Variants in NFIA observed in about 807,000 individuals in gnomAD.
NFIA encodes the protein nuclear factor 1 A-type.
In NFIA, 8 loss-of-function variants were observed where a neutral mutation model predicts 62.8. The ratio of observed to expected loss-of-function variants is 0.13; its 90% CI spans 0.07 to 0.23. NFIA has a LOEUF of 0.23. Among genes scored for constraint, NFIA ranks in the 10% least tolerant of loss-of-function variants. The probability of loss-of-function intolerance (pLI) is 1.00; values close to 1 mark genes in which losing one functional copy is unlikely to be tolerated. For synonymous variants in NFIA, 235 were observed against 238.1 expected (o/e 0.99, Z 0.12); for missense variants, 410 against 642.1 (o/e 0.64, Z 3.91).
intron 4 of NFIA, among the ~76,000 whole-genome samples, chr1:61,342,752 A>T (rs1251064245): frequency 1.3e-5 from 2 of 152,230 alleles, no homozygotes; most frequent in Non-Finnish European, 2.9e-5. Flanking sequence ...TTCATAACTG[A>T]TGACAAAGGA....
chr1:61,220,387 A>C (rs1653942828), intron 2 of NFIA, among the ~76,000 whole-genome samples: 1 of 152,144 alleles, frequency 6.6e-6, no homozygotes, highest in Non-Finnish European at 1.5e-5. Context: ...TGGAGAAGTT[A>C]CTCGCTACTT....
At chr1:61,225,494 C>G (rs1468140576) in intron 2 of NFIA, among the ~76,000 whole-genome samples, 1 of 151,504 alleles carries the variant, frequency 6.6e-6, no homozygotes, top group Non-Finnish European at 1.5e-5. Flanking sequence ...TGTGATCCGC[C>G]TGCCTCGGCC....
At chr1:61,180,071 C>T (rs1330947461) in intron 2 of NFIA, among the ~76,000 whole-genome samples, 1 of 152,126 alleles carries the variant, frequency 6.6e-6, no homozygotes, top group Non-Finnish European at 1.5e-5. Context: ...CTCTCTGCAG[C>T]ACCTCTTGAC....
intron 2 of NFIA, among the ~76,000 whole-genome samples, chr1:61,236,591 T>G (rs1040862755): frequency 4.6e-5 from 7 of 152,086 alleles, no homozygotes; most frequent in Admixed American, 3.3e-4. Context: ...TAGTATTACT[T>G]GGATATGTTT....
chr1:61,314,796 A>G (rs1013943383), intron 3 of NFIA, among the ~76,000 whole-genome samples: 2 of 152,182 alleles, frequency 1.3e-5, no homozygotes, highest in African/African-American at 4.8e-5. Flanking sequence ...GGATACAGAA[A>G]TGATATCAGA....
chr1:61,116,424 G>T (rs2100462189), intron 2 of NFIA, among the ~76,000 whole-genome samples: 1 of 152,246 alleles, frequency 6.6e-6, no homozygotes, highest in South Asian at 2.1e-4. Flanking sequence ...CTGAAACTGT[G>T]CTTAGCAGGA....
At chr1:61,239,233 A>G (rs573555519) in intron 2 of NFIA, among the ~76,000 whole-genome samples, 6 of 152,274 alleles carry the variant, frequency 3.9e-5, no homozygotes, top group Non-Finnish European at 8.8e-5. Context: ...TATCACGAAG[A>G]ATAAAGTGGC....
intron 2 of NFIA, among the ~76,000 whole-genome samples, chr1:61,142,187 G>A (rs533999592): frequency 6.6e-6 from 1 of 152,006 alleles, no homozygotes; most frequent in Non-Finnish European, 1.5e-5. Flanking sequence ...AAAACATGAA[G>A]TGCTCAATCC....
chr1:61,402,032 T>C (rs1665582565), intron 7 of NFIA, among the ~76,000 whole-genome samples: 1 of 130,958 alleles, frequency 7.6e-6, no homozygotes, highest in African/African-American at 3.1e-5. Context: ...TACTCATTTT[T>C]CTTTTTTTTT....
At chr1:61,411,258 A>G (rs1047858775) in intron 9 of NFIA, among the ~76,000 whole-genome samples, 3 of 152,154 alleles carry the variant, frequency 2.0e-5, no homozygotes, top group Admixed American at 6.6e-5. Flanking sequence ...TGTGGGGGAA[A>G]AAAAATCCTG....
At chr1:61,351,561 C>T (rs572985578) in intron 4 of NFIA, among the ~76,000 whole-genome samples, 58 of 152,092 alleles carry the variant, frequency 3.8e-4, no homozygotes, top group African/African-American at 1.1e-3. Flanking sequence ...ACTAATTTTA[C>T]GGAGTTGTTT....
chr1:61,346,720 G>A (rs765282418), intron 4 of NFIA, among the ~76,000 whole-genome samples: 2 of 152,112 alleles, frequency 1.3e-5, no homozygotes, highest in Non-Finnish European at 2.9e-5. Flanking sequence ...CCCCTTCCAT[G>A]CATTCTGAAT....
intron 6 of NFIA, among the ~76,000 whole-genome samples, chr1:61,361,110 G>C (rs1380513623): frequency 6.6e-6 from 1 of 152,130 alleles, no homozygotes; most frequent in South Asian, 2.1e-4. Flanking sequence ...CAGAGATGGT[G>C]GTGTTAGTCT....
At chr1:61,234,158 G>A (rs896058685) in intron 2 of NFIA, among the ~76,000 whole-genome samples, 5 of 151,738 alleles carry the variant, frequency 3.3e-5, no homozygotes, top group Non-Finnish European at 5.9e-5. Context: ...ACCTGAGGTC[G>A]GGAGTTTGCG....
chr1:61,393,897 A>C (rs770086705), intron 7 of NFIA, among the ~76,000 whole-genome samples: 1 of 152,246 alleles, frequency 6.6e-6, no homozygotes, highest in Non-Finnish European at 1.5e-5. Flanking sequence ...TTCATGCCAC[A>C]GACCCCCAGG....
chr1:61,231,700 C>A (rs1654678958), intron 2 of NFIA, among the ~76,000 whole-genome samples: 1 of 152,076 alleles, frequency 6.6e-6, no homozygotes, highest in South Asian at 2.1e-4. Context: ...TATAGTGGCA[C>A]ATGCCTATAG....
chr1:61,425,529 G>C (rs1197530249), intron 9 of NFIA, among the ~76,000 whole-genome samples: 1 of 152,260 alleles, frequency 6.6e-6, no homozygotes, highest in East Asian at 1.9e-4. Flanking sequence ...AAATTTTTAA[G>C]TAACAGTCTA....
intron 2 of NFIA, among the ~76,000 whole-genome samples, chr1:61,236,419 A>G (rs984811096): frequency 6.6e-6 from 1 of 152,194 alleles, no homozygotes; most frequent in Admixed American, 6.5e-5. Context: ...GGTGTTTTAT[A>G]TAATTTTTAC....
chr1:61,427,820 G>A (rs927768056), intron 10 of NFIA, among the ~76,000 whole-genome samples: 53 of 152,252 alleles, frequency 3.5e-4, no homozygotes, highest in African/African-American at 1.2e-3. Flanking sequence ...TGCATATGGC[G>A]TCTGATATTA....
Sources: allele counts gnomAD v4.1 joint callset (sites outside exome capture counted in the v4.1 genomes callset), GRCh38; gene constraint gnomAD v4.1.1; transcripts MANE v1.5; gene names NCBI Gene and HGNC (gene_info 2026-07-23, HGNC 2026-07-21).